TLR7: variants seen among roughly 807,000 people sequenced by gnomAD.
TLR7 encodes toll-like receptor 7.
TLR7 carries 12 observed loss-of-function variants against 38.3 expected under a neutral mutation model. The observed-to-expected ratio is 0.31, with a 90% CI of 0.20 to 0.51. TLR7 has a LOEUF of 0.51. Ranked by LOEUF, TLR7 falls within the 20% of genes least tolerant of loss-of-function variation. TLR7 has a pLI of 0.98. For synonymous variants in TLR7, 285 were observed against 293.8 expected (o/e 0.97, Z 0.31); for missense variants, 504 against 743.4 (o/e 0.68, Z 3.74).
intron 2 of TLR7, among the ~76,000 whole-genome samples, chrX:12,876,034 C>T (rs966512902): frequency 1.9e-5 from 2 of 107,228 alleles, no homozygotes; most frequent in African/African-American, 6.9e-5. Context: ...TCGTGGCTTA[C>T]TGCAACCTCT....
chrX:12,884,504 G>C (rs1451169288), intron 2 of TLR7, among the ~76,000 whole-genome samples: 1 of 112,104 alleles, frequency 8.9e-6, no homozygotes, highest in Non-Finnish European at 1.9e-5. Flanking sequence ...AGAGCCAGTG[G>C]AAGGTAATAA....
In TLR7 at chrX:12,888,895, T is replaced by C. The variant is rs201310571; in HGVS notation, c.*237T>C. 15 of 305,798 alleles carry C rather than the reference T, an allele frequency of 4.9e-5. No individual in the cohort carries two copies. Among genetic ancestry groups the C allele is most frequent in the African/African-American group, 3.3e-4 (12 of 36,687 alleles). The allele number at this position is 305,798 out of a possible 1,213,427, so 25.2% of individuals were successfully genotyped here. A position where few individuals can be genotyped will look rare whatever the true frequency, so the allele number is the denominator to read the frequency against. ...TCTATTTGCACTTGAGTCTCTCACC[T>C]CAGCTCCTGTAAAAGAGTGGCAAGT... On this transcript the variant is annotated 3_prime_UTR_variant, in exon 3 of 3. Coordinates refer to ENST00000380659, the MANE Select transcript of TLR7 (RefSeq NM_016562.4).
chrX:12,871,805 G>C (rs904403233), intron 2 of TLR7, among the ~76,000 whole-genome samples: 2 of 111,358 alleles, frequency 1.8e-5, no homozygotes, highest in Non-Finnish European at 3.8e-5. Context: ...TAAAAGAGTA[G>C]AGTCAGGAGA....
Position 12,887,022 on chromosome X carries a change from T to C in TLR7, c.1514T>C (p.Ile505Thr). 8.3e-7 allele frequency: 1 copy of C among 1,211,146 alleles called. No individual in the cohort carries two copies. The highest frequency in any genetic ancestry group is 1.1e-6 in the Non-Finnish European group (1 of 894,984). The change falls in exon 3 of 3, where the codon ATA becomes ACA. Residue 505 changes from isoleucine to threonine, a missense_variant. By Grantham distance (89) the Ile-to-Thr change is moderately conservative. Coordinates refer to ENST00000380659, the MANE Select transcript of TLR7 (RefSeq NM_016562.4). Reference sequence around the variant, plus strand: ...ACCTTGGATCTAAGTAAAAATAGTATATTTTTTGTCAAGTCCTCTGATTTT... The same window carrying C: ...ACCTTGGATCTAAGTAAAAATAGTACATTTTTTGTCAAGTCCTCTGATTTT... ...GQTLDLSKNS[I>T]FFVKSSDFQH...
chrX:12,888,522 A>G lies in TLR7; in HGVS notation c.3014A>G (p.Lys1005Arg). ...FQKSKFLQLRKRLCGSSVLEW... is the reference protein window; with the variant it reads ...FQKSKFLQLRRRLCGSSVLEW... ...AAGTCCAAGTTCCTCCAGCTCCGGA[A>G]AAGGCTCTGTGGGAGTTCTGTCCTT... Residue 1005 changes from lysine (K) to arginine (R), a missense_variant, in exon 3 of 3, where the codon AAA (lysine) becomes AGA (arginine). Transcript: ENST00000380659. 1 of 1,211,959 alleles carries G rather than the reference A, an allele frequency of 8.3e-7. No individual in the cohort carries two copies. Among genetic ancestry groups the G allele is most frequent in the Non-Finnish European group, 1.1e-6 (1 of 895,568 alleles).
At chrX:12,881,421 AAAT>A (rs1217394543) in intron 2 of TLR7, among the ~76,000 whole-genome samples, 6 of 107,303 alleles carry the variant, frequency 5.6e-5, no homozygotes, top group South Asian at 3.9e-4. Flanking sequence ...TTTAATAAAT[AAAT>A]GAGTCATTTA....
intron 2 of TLR7, among the ~76,000 whole-genome samples, chrX:12,882,017 G>A (rs1344772387): frequency 9.0e-6 from 1 of 111,324 alleles, no homozygotes; most frequent in Non-Finnish European, 1.9e-5. Context: ...TGACCGGGCT[G>A]TGGGAAGAGG....
At chrX:12,878,620 C>A (rs965673244) in intron 2 of TLR7, among the ~76,000 whole-genome samples, 3 of 111,828 alleles carry the variant, frequency 2.7e-5, no homozygotes, top group Admixed American at 1.9e-4. Flanking sequence ...GTTAGTGTGA[C>A]TAAGAGATTG....
chrX:12,885,646 T>C lies in TLR7; in HGVS notation c.138T>C (p.His46=), dbSNP rs201767808. The part of the protein sequence containing the change: ...CDVTLDVPKN[H]VIVDCTDKHL... ...TCACTCTGGATGTTCCAAAGAACCA[T>C]GTGATCGTGGACTGCACAGACAAGC... Residue 46 remains histidine (H), a synonymous_variant, in exon 3 of 3, where the codon CAT becomes CAC. Transcript: ENST00000380659. 7 of 1,210,427 alleles carry C rather than the reference T, an allele frequency of 5.8e-6. No homozygotes were observed. Among genetic ancestry groups the C allele is most frequent in the Non-Finnish European group, 6.7e-6 (6 of 895,416 alleles).
chrX:12,871,372 T>C (rs978628606), intron 2 of TLR7, among the ~76,000 whole-genome samples: 1 of 112,399 alleles, frequency 8.9e-6, no homozygotes, highest in Non-Finnish European at 1.9e-5. Context: ...TAGGGAGACA[T>C]ACACAACACA....
chrX:12,881,107 A>G (rs1371512360), intron 2 of TLR7, among the ~76,000 whole-genome samples: 5 of 109,610 alleles, frequency 4.6e-5, no homozygotes, highest in Non-Finnish European at 9.5e-5. Context: ...CATACCTGTA[A>G]TCCCAGCTAC....
chrX:12,886,601 G>A lies in TLR7; in HGVS notation c.1093G>A (p.Ala365Thr). ...VYRASMNLSQAFSSLKSLKIL... is the reference protein window; with the variant it reads ...VYRASMNLSQTFSSLKSLKIL... ...TCGTGCATCTATGAATCTATCACAA[G>A]CATTTTCTTCACTGAAAAGCCTGAA... The change falls in exon 3 of 3, where the codon GCA becomes ACA. Residue 365 changes from alanine (A) to threonine (T), a missense_variant. Coordinates refer to ENST00000380659, the MANE Select transcript of TLR7 (RefSeq NM_016562.4). 2 of 1,211,836 alleles carry A rather than the reference G, an allele frequency of 1.7e-6. No homozygotes were observed. Among genetic ancestry groups the A allele is most frequent in the South Asian group, 3.5e-5 (2 of 57,008 alleles).
intron 2 of TLR7, among the ~76,000 whole-genome samples, chrX:12,868,319 T>C (rs2042840711): frequency 8.9e-6 from 1 of 111,950 alleles, no homozygotes; most frequent in Non-Finnish European, 1.9e-5. Flanking sequence ...GATCAGATAT[T>C]GAGGGTGATC....
At chrX:12,873,813 C>T (rs1010434543) in intron 2 of TLR7, among the ~76,000 whole-genome samples, 1 of 111,025 alleles carries the variant, frequency 9.0e-6, no homozygotes, top group Non-Finnish European at 1.9e-5. Context: ...TTTAAAAATC[C>T]CCTTTATTTT....
chrX:12,868,039 T>C (rs1041230103), intron 2 of TLR7, among the ~76,000 whole-genome samples: 1 of 112,241 alleles, frequency 8.9e-6, no homozygotes, highest in African/African-American at 3.2e-5. Context: ...CAAAGAAAAC[T>C]AAATTTGGAC....
chrX:12,876,927 A>AT (rs57760590), intron 2 of TLR7, among the ~76,000 whole-genome samples: 1 of 106,629 alleles, frequency 9.4e-6, no homozygotes, highest in Non-Finnish European at 1.9e-5. Flanking sequence ...ATTACAAATA[A>AT]AAAAAAAAAA....
intron 2 of TLR7, among the ~76,000 whole-genome samples, chrX:12,879,930 T>C (rs1254007582): frequency 1.8e-5 from 2 of 111,821 alleles, no homozygotes; most frequent in African/African-American, 3.3e-5. Context: ...AGTATCAAAA[T>C]TCAGGATCAA....
chrX:12,876,925 T>C (rs202081783), intron 2 of TLR7, among the ~76,000 whole-genome samples: 1 of 98,751 alleles, frequency 1.0e-5, no homozygotes, highest in Non-Finnish European at 2.1e-5. Flanking sequence ...TCATTACAAA[T>C]AAAAAAAAAA....
At chrX:12,881,802 C>T (rs1306853869) in intron 2 of TLR7, among the ~76,000 whole-genome samples, 1 of 111,405 alleles carries the variant, frequency 9.0e-6, no homozygotes, top group Non-Finnish European at 1.9e-5. Flanking sequence ...GATTGAAGAC[C>T]TGTAGTATCC....
Sources: allele counts gnomAD v4.1 joint callset (sites outside exome capture counted in the v4.1 genomes callset), GRCh38; gene constraint gnomAD v4.1.1; transcripts MANE v1.5; gene names NCBI Gene and HGNC (gene_info 2026-07-23, HGNC 2026-07-21).